The following HDAC4 variants were observed in gnomAD, a reference collection of about 807,000 sequenced individuals.
HDAC4 encodes histone deacetylase 4, also known as histone deacetylase A.
In HDAC4, 16 loss-of-function variants were observed where a neutral mutation model predicts 135.1. That is an observed-to-expected ratio of 0.12 (90% CI 0.08 to 0.18). The LOEUF (loss-of-function observed/expected upper bound fraction) is 0.18. Ranked by LOEUF, HDAC4 falls within the 10% of genes least tolerant of loss-of-function variation. The pLI, the probability that HDAC4 is intolerant of heterozygous loss-of-function variation, is 1.00. For synonymous variants in HDAC4, 685 were observed against 653.4 expected (o/e 1.05, Z -0.74); for missense variants, 1,143 against 1,511.8 (o/e 0.76, Z 4.05).
chr2:239,224,504 GCCTGCAAATGTCTGCTCA>G lies in HDAC4; in HGVS notation c.94+12071_94+12088del, dbSNP rs147483406. ...CCCTCTTCTCCTGACCAGGTCTTCG[GCCTGCAAATGTCTGCTCA>G]CCTTCTAAGGAGGCCTGCCCTCACC... On this transcript the variant is annotated intron_variant, in intron 3 of 26. Transcript: ENST00000543185. Among the ~76,000 whole-genome samples the G allele has an allele frequency of 0.013, 1,913 of 152,238 alleles. 80 individuals carry two copies. In the East Asian group the frequency reaches 0.16, roughly 13 times the overall value.
In HDAC4 at chr2:239,167,875, G is replaced by A. The variant is rs752697428; in HGVS notation, c.491-3952C>T. 6.6e-6 allele frequency among the ~76,000 whole-genome samples: 1 copy of A among 151,008 alleles called. No homozygotes were observed. Among genetic ancestry groups the A allele is most frequent in the East Asian group, 2.0e-4 (1 of 5,098 alleles). On this transcript the variant is annotated intron_variant, in intron 5 of 26. Coordinates refer to ENST00000543185, the MANE Select transcript of HDAC4 (RefSeq NM_001378414.1). This position sits in a 1 kb window ranked among gnomAD's most constrained non-coding sequence, Gnocchi z 4.1. Reference sequence around the variant, plus strand: ...GGCCAAGTTCTTCCCATACCAGGGGGCAGAGAGTGCACCCGAGACCTAAGG... The same window carrying A: ...GGCCAAGTTCTTCCCATACCAGGGGACAGAGAGTGCACCCGAGACCTAAGG...
chr2:239,160,430 A>G (rs1256018471), intron 6 of HDAC4, among the ~76,000 whole-genome samples: 2 of 152,216 alleles, frequency 1.3e-5, no homozygotes, highest in Non-Finnish European at 2.9e-5. Flanking sequence ...TAAAGCTGGA[A>G]GCGGTGACTC....
intron 2 of HDAC4, among the ~76,000 whole-genome samples, chr2:239,246,278 G>A (rs1182172061): frequency 6.6e-6 from 1 of 152,226 alleles, no homozygotes; most frequent in African/African-American, 2.4e-5. Flanking sequence ...TTTTCCCAGG[G>A]AAAATGTGGC....
At chr2:239,118,392 C>A (rs965718415) in intron 12 of HDAC4, among the ~76,000 whole-genome samples, 2 of 152,186 alleles carry the variant, frequency 1.3e-5, no homozygotes, top group African/African-American at 2.4e-5. Flanking sequence ...TCGGGGCGGG[C>A]CGGCCATCGG....
chr2:239,280,160 AC>A (rs139745406), intron 2 of HDAC4, among the ~76,000 whole-genome samples: 1,790 of 152,042 alleles, frequency 0.012, 38 homozygotes, highest in African/African-American at 0.041. Context: ...ACCCTGAAAA[AC>A]ATGTTGGTCA....
At chr2:239,276,273 T>C (rs1272934820) in intron 2 of HDAC4, among the ~76,000 whole-genome samples, 1 of 152,190 alleles carries the variant, frequency 6.6e-6, no homozygotes, top group Non-Finnish European at 1.5e-5. Context: ...TTGGCAAGTA[T>C]GCCTTGGAAG....
At chr2:239,069,883 A>G (rs944661345) in intron 22 of HDAC4, among the ~76,000 whole-genome samples, 3 of 152,210 alleles carry the variant, frequency 2.0e-5, no homozygotes, top group African/African-American at 7.2e-5. Flanking sequence ...TGTTTTCTGT[A>G]TAATTTCTGT....
At chr2:239,209,400 T>G (rs55930275) in intron 3 of HDAC4, among the ~76,000 whole-genome samples, 3,346 of 152,308 alleles carry the variant, frequency 0.022, 48 homozygotes, top group Middle Eastern at 0.068. Context: ...GCAGGTCCTT[T>G]GCAGATTACT....
intron 22 of HDAC4, among the ~76,000 whole-genome samples, chr2:239,079,679 G>A (rs940764790): frequency 6.6e-6 from 1 of 152,198 alleles, no homozygotes; most frequent in Non-Finnish European, 1.5e-5. Context: ...TGCATACTCA[G>A]GTGCACACGA....
chr2:239,063,432 C>A (rs1262733147), intron 24 of HDAC4, among the ~76,000 whole-genome samples: 2 of 152,138 alleles, frequency 1.3e-5, no homozygotes, highest in East Asian at 3.9e-4. Context: ...TCTCGATCTC[C>A]TGACCTCGTG....
chr2:239,078,734 G>A (rs960888231), intron 22 of HDAC4, among the ~76,000 whole-genome samples: 4 of 152,274 alleles, frequency 2.6e-5, no homozygotes, highest in South Asian at 2.1e-4. Context: ...GACGGCAGAC[G>A]CCCATTGCTG....
intron 1 of HDAC4, among the ~76,000 whole-genome samples, chr2:239,375,229 G>T (rs1293316201): frequency 6.6e-6 from 1 of 152,204 alleles, no homozygotes; most frequent in Non-Finnish European, 1.5e-5. Flanking sequence ...CAGGGGCCTG[G>T]GAATCAGAGG....
At position 239,081,139 on chromosome 2, in the gene HDAC4, G is replaced by C. The variant is rs1574944887; in HGVS notation, c.2706C>G (p.Gly902=). Residue 902 remains glycine (G), a synonymous_variant, in exon 22 of 27, where the codon GGC becomes GGG. Transcript: ENST00000543185. Reference sequence around the variant, plus strand: ...CAGCGTCTCCCATGGGGGGGTCCAGGCCGCCGGTGAAAGCCATGTTGACGT... The same window carrying C: ...CAGCGTCTCCCATGGGGGGGTCCAGCCCGCCGGTGAAAGCCATGTTGACGT... ...GFNVNMAFTG[G]LDPPMGDAEY... 1 of 1,613,866 alleles carries C rather than the reference G, an allele frequency of 6.2e-7. No homozygotes were observed. The highest frequency in any genetic ancestry group is 1.1e-5 in the South Asian group (1 of 91,060).
intron 3 of HDAC4, among the ~76,000 whole-genome samples, chr2:239,192,145 A>C (rs1192784840): frequency 6.6e-6 from 1 of 152,094 alleles, no homozygotes; most frequent in Non-Finnish European, 1.5e-5. Flanking sequence ...AATGTGCGGA[A>C]GCAGGGAGTA....
intron 3 of HDAC4, among the ~76,000 whole-genome samples, chr2:239,230,368 C>CAAAAAAAAAAAAAAAAAAAAAAGAAAAAA (rs2047478073): frequency 1.3e-5 from 1 of 79,394 alleles, no homozygotes; most frequent in Non-Finnish European, 2.3e-5. Context: ...AGCAAGCAAG[C>CAAAAAAAAAAAAAAAAAAAAAAGAAAAAA]AAAAAAAAAA....
intron 2 of HDAC4, among the ~76,000 whole-genome samples, chr2:239,310,089 G>C (rs2052798640): frequency 6.6e-6 from 1 of 152,262 alleles, no homozygotes; most frequent in Non-Finnish European, 1.5e-5. Context: ...GAGGTGCTCA[G>C]AATCAAACCA....
chr2:239,350,242 T>A (rs147383177), intron 2 of HDAC4, among the ~76,000 whole-genome samples: 202 of 151,962 alleles, frequency 1.3e-3, no homozygotes, highest in African/African-American at 4.7e-3. Flanking sequence ...AGACCTGATC[T>A]ACCAAAAGAA....
chr2:239,356,401 A>T (rs1252589162), intron 1 of HDAC4, among the ~76,000 whole-genome samples: 3 of 152,210 alleles, frequency 2.0e-5, no homozygotes, highest in Non-Finnish European at 4.4e-5. Flanking sequence ...TTCCCAGAGT[A>T]TAAAGAGGAA....
At chr2:239,255,609 C>A (rs547210147) in intron 2 of HDAC4, among the ~76,000 whole-genome samples, 1 of 152,176 alleles carries the variant, frequency 6.6e-6, no homozygotes, top group African/African-American at 2.4e-5. Context: ...ACACTTGACA[C>A]GCCAACATGC....
Sources: gnomAD v4.1 joint callset for allele counts (sites outside exome capture counted in the v4.1 genomes callset) on GRCh38, gnomAD v4.1.1 for gene constraint, Gnocchi (gnomAD v3.1) non-coding constraint, MANE v1.5 for transcripts, NCBI Gene and HGNC (gene_info 2026-07-23, HGNC 2026-07-21) for gene names.